Variants in RPS6KC1 observed in about 807,000 individuals in gnomAD.
RPS6KC1 encodes the protein ribosomal protein S6 kinase C1.
RPS6KC1 carries 54 observed loss-of-function variants against 103.8 expected under a neutral mutation model. That is an observed-to-expected ratio of 0.52 (90% CI 0.42 to 0.65). The LOEUF (loss-of-function observed/expected upper bound fraction) is 0.65. RPS6KC1 is among the 30% of genes least tolerant of loss of function. The pLI, the probability that RPS6KC1 is intolerant of heterozygous loss-of-function variation, is 0.00. For synonymous variants in RPS6KC1, 439 were observed against 438.7 expected (o/e 1.00, Z -0.01); for missense variants, 1,151 against 1,253.8 (o/e 0.92, Z 1.24).
chr1:213,697,480 T>C, the RPS6KC1 span, among the ~76,000 whole-genome samples: 1 of 152,350 alleles, frequency 6.6e-6, no homozygotes, highest in Middle Eastern at 3.4e-3. Context: ...AACTGTATCT[T>C]CTGTCTCCTG....
chr1:213,593,243 A>G, the RPS6KC1 span, among the ~76,000 whole-genome samples: 1 of 152,130 alleles, frequency 6.6e-6, no homozygotes, highest in Non-Finnish European at 1.5e-5. Context: ...TTCAATGAAA[A>G]AAAAAAAACA....
At chr1:213,383,270 A>G in the RPS6KC1 span, among the ~76,000 whole-genome samples, 10 of 152,338 alleles carry the variant, frequency 6.6e-5, no homozygotes, top group East Asian at 1.7e-3. Flanking sequence ...ACAGGCTTTC[A>G]TGGAGTCATG....
At chr1:213,062,451 G>T (rs2077925064) in intron 1 of RPS6KC1, among the ~76,000 whole-genome samples, 1 of 152,078 alleles carries the variant, frequency 6.6e-6, no homozygotes, top group South Asian at 2.1e-4. Flanking sequence ...TCCACCTGTA[G>T]CTACTCTTTG....
At chr1:213,356,342 C>T in the RPS6KC1 span, among the ~76,000 whole-genome samples, 1 of 152,202 alleles carries the variant, frequency 6.6e-6, no homozygotes, top group Non-Finnish European at 1.5e-5. Context: ...GTCACTGGTT[C>T]ATTTCAGTGA....
chr1:213,816,862 T>C, the RPS6KC1 span, among the ~76,000 whole-genome samples: 1 of 152,064 alleles, frequency 6.6e-6, no homozygotes, highest in Non-Finnish European at 1.5e-5. Flanking sequence ...ATTTTCTGTG[T>C]ATCCAAGTGC....
chr1:213,682,686 A>G, the RPS6KC1 span, among the ~76,000 whole-genome samples: 2 of 152,210 alleles, frequency 1.3e-5, no homozygotes, highest in Non-Finnish European at 1.5e-5. Context: ...TTCACTCATA[A>G]TTCTATTTGT....
At chr1:213,623,147 T>G in the RPS6KC1 span, among the ~76,000 whole-genome samples, 1 of 152,304 alleles carries the variant, frequency 6.6e-6, no homozygotes, top group African/African-American at 2.4e-5. Flanking sequence ...TTTTGAAACA[T>G]CGGGCATGAC....
rs561632708 is a variant in RPS6KC1 at position 213,262,551 on chromosome 1, C to G, written c.2995-170C>G. Among the ~76,000 whole-genome samples the G allele has an allele frequency of 2.0e-5, 3 of 152,284 alleles. No individual in the cohort carries two copies. The South Asian group carries it at 6.2e-4, about 32-fold the overall frequency. On this transcript the variant is annotated intron_variant, in intron 13 of 14. Coordinates refer to ENST00000366960, the MANE Select transcript of RPS6KC1 (RefSeq NM_012424.6). ...ATTGTCTTCATTTCAGTTAAAAGTT[C>G]TATAGGCTCACAGCCCTCATCCTAA...
the RPS6KC1 span, among the ~76,000 whole-genome samples, chr1:213,656,117 C>A: frequency 1.3e-5 from 2 of 152,120 alleles, no homozygotes; most frequent in African/African-American, 2.4e-5. Flanking sequence ...GACTTGGGTA[C>A]CAATGTTGTC....
At chr1:213,688,878 TTAG>T in the RPS6KC1 span, among the ~76,000 whole-genome samples, 3 of 152,206 alleles carry the variant, frequency 2.0e-5, no homozygotes, top group Admixed American at 6.5e-5. Flanking sequence ...TCCCAGTCTG[TTAG>T]TAGGAAAACA....
the RPS6KC1 span, among the ~76,000 whole-genome samples, chr1:213,491,217 T>C: frequency 6.6e-6 from 1 of 152,104 alleles, no homozygotes; most frequent in African/African-American, 2.4e-5. Context: ...ATTAAGTAAG[T>C]TATTAGGCTG....
chr1:213,351,900 A>G, the RPS6KC1 span, among the ~76,000 whole-genome samples: 1 of 152,156 alleles, frequency 6.6e-6, no homozygotes, highest in Non-Finnish European at 1.5e-5. Flanking sequence ...ATATACAGGT[A>G]TGCTGAGTAT....
the RPS6KC1 span, among the ~76,000 whole-genome samples, chr1:213,462,850 T>C: frequency 6.6e-6 from 1 of 152,188 alleles, no homozygotes; most frequent in South Asian, 2.1e-4. Flanking sequence ...TGTATACCTG[T>C]GTAACAAACC....
chr1:213,167,474 ACACACACACACACAC>A (rs1558462385), intron 6 of RPS6KC1, among the ~76,000 whole-genome samples: 22 of 146,232 alleles, frequency 1.5e-4, no homozygotes, highest in Middle Eastern at 3.5e-3. Context: ...ACACACACAC[ACACACACACACACAC>A]AACAGCTGTT....
intron 8 of RPS6KC1, among the ~76,000 whole-genome samples, chr1:213,192,671 G>T (rs1201107364): frequency 6.6e-6 from 1 of 151,966 alleles, no homozygotes; most frequent in African/African-American, 2.4e-5. Context: ...TTGGTTTGTT[G>T]ATCTCTTGTA....
At chr1:213,407,216 GCGCACACACACA>G in the RPS6KC1 span, among the ~76,000 whole-genome samples, 265 of 92,836 alleles carry the variant, frequency 2.9e-3, no homozygotes, top group African/African-American at 7.0e-3. Flanking sequence ...ACATGCACGC[GCGCACACACACA>G]CACACACACA....
chr1:213,717,481 A>G, the RPS6KC1 span, among the ~76,000 whole-genome samples: 1 of 152,256 alleles, frequency 6.6e-6, no homozygotes, highest in South Asian at 2.1e-4. Context: ...ATTGGAAAGT[A>G]CATTAGTTGG....
At chr1:213,812,177 G>A in the RPS6KC1 span, among the ~76,000 whole-genome samples, 58 of 152,174 alleles carry the variant, frequency 3.8e-4, no homozygotes, top group South Asian at 1.3e-3. Context: ...GGGAGAGAGG[G>A]AGAAGTGAAG....
At chr1:213,542,547 A>C in the RPS6KC1 span, among the ~76,000 whole-genome samples, 2 of 152,122 alleles carry the variant, frequency 1.3e-5, no homozygotes, top group East Asian at 3.9e-4. Context: ...TAAATTTTTG[A>C]CTTTGAGTCC....
Sources: allele counts gnomAD v4.1 joint callset (sites outside exome capture counted in the v4.1 genomes callset), GRCh38; gene constraint gnomAD v4.1.1; transcripts MANE v1.5; gene names NCBI Gene and HGNC (gene_info 2026-07-23, HGNC 2026-07-21).